The following EXOC6 variants were observed in gnomAD, a reference collection of about 807,000 sequenced individuals.
The protein encoded by EXOC6 is SEC15-like 1.
Under a neutral mutation model 112.5 loss-of-function variants are expected in EXOC6, and 60 were observed. That is an observed-to-expected ratio of 0.53 (90% CI 0.43 to 0.66). The LOEUF is 0.66. Ranked by LOEUF, EXOC6 falls within the 30% of genes least tolerant of loss-of-function variation. The probability of loss-of-function intolerance (pLI) is 0.00; values close to 1 mark genes in which losing one functional copy is unlikely to be tolerated. For missense variants in EXOC6, 855 were observed against 957.1 expected (o/e 0.89, Z 1.41); for synonymous variants, 295 against 308.0 (o/e 0.96, Z 0.44).
intron 13 of EXOC6, 39 bp from the exon 14 acceptor site, chr10:92,948,235 C>A: frequency 7.6e-7 from 1 of 1,322,446 alleles, no homozygotes; most frequent in Non-Finnish European, 1.1e-6. Flanking sequence ...TAATAATATG[C>A]TTTGTAATGA....
intron 13 of EXOC6, among the ~76,000 whole-genome samples, chr10:92,945,180 ATATC>A (rs1238871750): frequency 1.3e-5 from 2 of 152,128 alleles, no homozygotes; most frequent in Non-Finnish European, 2.9e-5. Context: ...CTTTTGATAA[ATATC>A]TATTCAGGTC....
At chr10:92,861,813 A>G (rs557462669) in intron 1 of EXOC6, among the ~76,000 whole-genome samples, 13 of 152,322 alleles carry the variant, frequency 8.5e-5, no homozygotes, top group Admixed American at 2.6e-4. Context: ...GACAATTTTC[A>G]GAAATTCAAA....
At chr10:92,954,271 C>A (rs1208613138) in intron 15 of EXOC6, among the ~76,000 whole-genome samples, 1 of 152,008 alleles carries the variant, frequency 6.6e-6, no homozygotes, top group African/African-American at 2.4e-5. Flanking sequence ...CAAAGTGAGA[C>A]CCTGGCTCAA....
At chr10:92,828,682 TTGTGTGTCTG>T (rs1274711145) in intron 1 of EXOC6, among the ~76,000 whole-genome samples, 1 of 93,964 alleles carries the variant, frequency 1.1e-5, no homozygotes, top group East Asian at 2.6e-4. Flanking sequence ...TTGCTGAGTT[TTGTGTGTCTG>T]TGTGTGTGTG....
At chr10:92,873,887 C>T (rs1423712561) in intron 1 of EXOC6, among the ~76,000 whole-genome samples, 1 of 151,698 alleles carries the variant, frequency 6.6e-6, no homozygotes, top group African/African-American at 2.4e-5. Context: ...CCCATTTCTA[C>T]TAAAATATAA....
intron 5 of EXOC6, among the ~76,000 whole-genome samples, chr10:92,903,534 T>C (rs888537209): frequency 1.3e-5 from 2 of 152,030 alleles, no homozygotes; most frequent in East Asian, 1.9e-4. Context: ...AATTGGCTTA[T>C]CTAGAGATCT....
intron 18 of EXOC6, among the ~76,000 whole-genome samples, chr10:92,991,753 CTGTA>C (rs1843272685): frequency 1.4e-5 from 2 of 146,218 alleles, no homozygotes; most frequent in Non-Finnish European, 3.0e-5. Flanking sequence ...CTCTCTCTCT[CTGTA>C]TGTGTGTGTG....
upstream of EXOC6, among the ~76,000 whole-genome samples, chr10:92,845,382 A>G (rs914019641): frequency 2.0e-5 from 3 of 150,764 alleles, no homozygotes; most frequent in African/African-American, 7.3e-5. Context: ...GTGAAAGCCC[A>G]TCTCTACTAT....
At chr10:93,043,698 G>C (rs1161320929) in intron 20 of EXOC6, among the ~76,000 whole-genome samples, 3 of 152,172 alleles carry the variant, frequency 2.0e-5, no homozygotes, top group Non-Finnish European at 2.9e-5. Flanking sequence ...ATTTCTTTTT[G>C]TACTCTCATA....
At chr10:92,885,830 T>G (rs990513255) in intron 1 of EXOC6, among the ~76,000 whole-genome samples, 2 of 152,168 alleles carry the variant, frequency 1.3e-5, no homozygotes, top group African/African-American at 4.8e-5. Context: ...TTTATTTTAT[T>G]TATTTATTTA....
intron 20 of EXOC6, among the ~76,000 whole-genome samples, chr10:93,038,168 G>A (rs1845603486): frequency 6.7e-6 from 1 of 148,818 alleles, no homozygotes; most frequent in South Asian, 2.1e-4. Context: ...ATATTTAAAT[G>A]CTTTGTTAGA....
At chr10:92,834,611 T>C, upstream of EXOC6, 2 of 703,180 alleles carry the variant, frequency 2.8e-6, no homozygotes, top group East Asian at 2.8e-5. Context: ...TTTTTGTTGC[T>C]CCTTTGGGTG....
chr10:93,035,088 C>T (rs547197182), intron 20 of EXOC6, among the ~76,000 whole-genome samples: 47 of 152,320 alleles, frequency 3.1e-4, no homozygotes, highest in African/African-American at 1.0e-3. Flanking sequence ...CAAGACCAGA[C>T]ATCTCACAAA....
chr10:92,831,417 T>C, upstream of EXOC6: 1 of 936,550 alleles, frequency 1.1e-6, no homozygotes. Context: ...TATTCTTCTA[T>C]ACTATATTCT....
chr10:92,895,215 AT>A (rs1245565859), intron 4 of EXOC6, among the ~76,000 whole-genome samples, 195 bp downstream of exon 4: 6 of 152,128 alleles, frequency 3.9e-5, no homozygotes, highest in Non-Finnish European at 5.9e-5. Flanking sequence ...CTCTTGTTTG[AT>A]TATATGTCAC....
At chr10:92,841,014 A>G (rs1217920965) in intron 1 of EXOC6, among the ~76,000 whole-genome samples, 1 of 152,174 alleles carries the variant, frequency 6.6e-6, no homozygotes, top group African/African-American at 2.4e-5. Flanking sequence ...GAATGATTAA[A>G]TCAAGCTAAT....
intron 1 of EXOC6, among the ~76,000 whole-genome samples, chr10:92,887,390 ATTTT>A (rs11304638): frequency 1.2e-5 from 1 of 83,772 alleles, no homozygotes; most frequent in Non-Finnish European, 2.2e-5. Context: ...GATTAATTTA[ATTTT>A]TTTTTTTTTT....
At chr10:92,830,273 A>T (rs531368849), upstream of EXOC6, among the ~76,000 whole-genome samples, 1 of 152,272 alleles carries the variant, frequency 6.6e-6, no homozygotes, top group African/African-American at 2.4e-5. Flanking sequence ...GAGCCTGGGA[A>T]TCTAGTCCTG....
intron 18 of EXOC6, among the ~76,000 whole-genome samples, chr10:92,975,431 G>A (rs1443168399): frequency 6.0e-4 from 91 of 151,466 alleles, no homozygotes; most frequent in Non-Finnish European, 1.2e-3. Context: ...TCTGGGAAGT[G>A]AGGAGCGTCT....
Sources: gnomAD v4.1 joint callset for allele counts (sites outside exome capture counted in the v4.1 genomes callset) on GRCh38, gnomAD v4.1.1 for gene constraint, MANE v1.5 for transcripts, NCBI Gene and HGNC (gene_info 2026-07-23, HGNC 2026-07-21) for gene names.